TEAD1: variants seen among roughly 807,000 people sequenced by gnomAD.
The protein encoded by TEAD1 is transcriptional enhancer factor TEF-1.
A neutral mutation model predicts 54.9 loss-of-function variants in TEAD1; 9 were observed. The observed-to-expected ratio is 0.16, with a 90% CI of 0.10 to 0.29. The LOEUF (loss-of-function observed/expected upper bound fraction) is 0.29. Among genes scored for constraint, TEAD1 ranks in the 10% least tolerant of loss-of-function variants. The probability of loss-of-function intolerance (pLI) is 1.00; values close to 1 mark genes in which losing one functional copy is unlikely to be tolerated. For missense variants in TEAD1, 387 were observed against 535.9 expected, an observed-to-expected ratio of 0.72 and a Z score of 2.74; for synonymous variants, 200 against 187.8, an observed-to-expected ratio of 1.07 and a Z score of -0.53.
At chr11:12,889,668 A>G (rs780418933) in intron 9 of TEAD1, among the ~76,000 whole-genome samples, 1 of 152,234 alleles carries the variant, frequency 6.6e-6, no homozygotes, top group East Asian at 1.9e-4. Context: ...TAGAGGAACA[A>G]ACCCGATCAG....
At chr11:12,863,950 G>C (rs1433421023) in intron 4 of TEAD1, among the ~76,000 whole-genome samples, 1 of 151,966 alleles carries the variant, frequency 6.6e-6, no homozygotes, top group African/African-American at 2.4e-5. Flanking sequence ...TTTCAACCCA[G>C]ATTTTTAACA....
intron 2 of TEAD1, among the ~76,000 whole-genome samples, chr11:12,746,974 G>GA (rs1441997909): frequency 6.6e-6 from 1 of 152,238 alleles, no homozygotes; most frequent in African/African-American, 2.4e-5. Context: ...TGAGGTTAAA[G>GA]AAAGGTGGAG....
chr11:12,709,169 C>T (rs919484878), intron 2 of TEAD1, among the ~76,000 whole-genome samples: 4 of 152,054 alleles, frequency 2.6e-5, no homozygotes, highest in Non-Finnish European at 5.9e-5. Context: ...GAAACCCTGT[C>T]TCTACTAAAA....
At chr11:12,676,465 C>T (rs962345461) in intron 2 of TEAD1, among the ~76,000 whole-genome samples, 1 of 152,250 alleles carries the variant, frequency 6.6e-6, no homozygotes, top group Non-Finnish European at 1.5e-5. Flanking sequence ...GAACAGTCTT[C>T]AGGCTACGCC....
intron 2 of TEAD1, among the ~76,000 whole-genome samples, chr11:12,756,928 T>A (rs926887203): frequency 1.3e-5 from 2 of 152,246 alleles, no homozygotes. Context: ...CAGTTCACTT[T>A]GGAAGTAAAG....
intron 9 of TEAD1, among the ~76,000 whole-genome samples, chr11:12,885,077 G>A (rs892728340): frequency 2.6e-5 from 4 of 152,052 alleles, no homozygotes; most frequent in African/African-American, 7.3e-5. Context: ...GATAGGTTCT[G>A]TTTTCCCCAT....
Position 12,865,065 on chromosome 11 carries a change from C to T in TEAD1, c.330+165C>T, listed in dbSNP as rs763916177. 77 of 799,856 alleles carry T rather than the reference C, an allele frequency of 9.6e-5. 1 individual carries two copies. Among genetic ancestry groups the T allele is most frequent in the Non-Finnish European group, 9.8e-5 (46 of 470,808 alleles). The allele number at this position is 799,856 out of a possible 1,614,324, so 49.5% of individuals were successfully genotyped here. A position where few individuals can be genotyped will look rare whatever the true frequency, so the allele number is the denominator to read the frequency against. ...TTTAATCTCTCTGTTTCTGTACTAG[C>T]CTCACATTAAACTCAATGTGTGTGA... is the stretch of plus-strand genomic sequence containing the variant. On this transcript the variant is annotated intron_variant, in intron 5 of 12. Transcript: ENST00000527636.
At chr11:12,680,626 C>G (rs1358277240) in intron 2 of TEAD1, among the ~76,000 whole-genome samples, 1 of 152,228 alleles carries the variant, frequency 6.6e-6, no homozygotes, top group Non-Finnish European at 1.5e-5. Flanking sequence ...CCTGATCTAT[C>G]CCCGTACACG....
intron 5 of TEAD1, among the ~76,000 whole-genome samples, chr11:12,866,001 T>A (rs1032637871): frequency 1.3e-5 from 2 of 152,164 alleles, no homozygotes; most frequent in Non-Finnish European, 2.9e-5. Context: ...GACTTTTTTT[T>A]ATGCAAACAA....
chr11:12,909,525 G>A (rs545855051), intron 10 of TEAD1, among the ~76,000 whole-genome samples: 29 of 152,140 alleles, frequency 1.9e-4, no homozygotes, highest in Non-Finnish European at 4.0e-4. Context: ...GGCCTGTTGC[G>A]GGGTGGGGGG....
At chr11:12,837,138 T>G (rs1248503605) in intron 3 of TEAD1, among the ~76,000 whole-genome samples, 4 of 152,216 alleles carry the variant, frequency 2.6e-5, no homozygotes, top group Non-Finnish European at 5.9e-5. Flanking sequence ...GTCCAAAAGT[T>G]TATGCTGCAA....
rs148088503 is a variant in TEAD1 at position 12,708,672 on chromosome 11, A to G, written c.-55+33111A>G. ...ACACAAAAGGGTGTTCCTCCGCACC[A>G]TAATGTTTAGTGTTGCCATCACCTG... On this transcript the variant is annotated intron_variant, in intron 2 of 12. Coordinates refer to ENST00000527636, the MANE Select transcript of TEAD1 (RefSeq NM_021961.6). Among the ~76,000 whole-genome samples the G allele has an allele frequency of 7.9e-3, 1,205 of 152,310 alleles. 18 individuals carry two copies. Among genetic ancestry groups the G allele is most frequent in the African/African-American group, 0.028 (1,153 of 41,568 alleles).
At chr11:12,870,840 T>C (rs1174062082) in intron 5 of TEAD1, among the ~76,000 whole-genome samples, 1 of 152,082 alleles carries the variant, frequency 6.6e-6, no homozygotes, top group Non-Finnish European at 1.5e-5. Context: ...GAGCCGAGAT[T>C]GTACTGCTGT....
intron 2 of TEAD1, among the ~76,000 whole-genome samples, chr11:12,718,753 T>C (rs75135656): frequency 0.021 from 3,196 of 152,256 alleles, 123 homozygotes; most frequent in African/African-American, 0.074. Context: ...CCAAGGCCAG[T>C]CTAGTTGTAT....
intron 3 of TEAD1, among the ~76,000 whole-genome samples, chr11:12,803,513 T>C (rs1376261529): frequency 6.6e-6 from 1 of 152,234 alleles, no homozygotes; most frequent in Non-Finnish European, 1.5e-5. Flanking sequence ...GAAGATAATT[T>C]TCATAGCTTT....
chr11:12,732,116 T>C (rs1313311591), intron 2 of TEAD1, among the ~76,000 whole-genome samples: 1 of 152,100 alleles, frequency 6.6e-6, no homozygotes, highest in Non-Finnish European at 1.5e-5. Context: ...TGACTTGACA[T>C]CTATCCTTAT....
At chr11:12,815,556 A>G (rs1207681010) in intron 3 of TEAD1, among the ~76,000 whole-genome samples, 3 of 152,206 alleles carry the variant, frequency 2.0e-5, no homozygotes, top group Admixed American at 6.5e-5. Flanking sequence ...CTTAGTTAAA[A>G]CTGGCCATGA....
intron 2 of TEAD1, among the ~76,000 whole-genome samples, chr11:12,752,839 A>G (rs1408333575): frequency 7.3e-6 from 1 of 136,858 alleles, no homozygotes; most frequent in East Asian, 2.0e-4. Context: ...TTTTATGAAT[A>G]TGCTACAGTT....
intron 3 of TEAD1, among the ~76,000 whole-genome samples, chr11:12,777,906 G>A (rs1247183260): frequency 6.6e-6 from 1 of 152,194 alleles, no homozygotes. Flanking sequence ...CATTGTGATA[G>A]GGACCTTTTG....
Sources: allele counts gnomAD v4.1 joint callset (sites outside exome capture counted in the v4.1 genomes callset), GRCh38; gene constraint gnomAD v4.1.1; transcripts MANE v1.5; gene names NCBI Gene and HGNC (gene_info 2026-07-23, HGNC 2026-07-21).